The following FRMD5 variants were observed in gnomAD, a reference collection of about 807,000 sequenced individuals.
FRMD5 encodes the protein FERM domain-containing protein 5.
FRMD5 carries 20 observed loss-of-function variants against 69.0 expected under a neutral mutation model. The ratio of observed to expected loss-of-function variants is 0.29; its 90% CI spans 0.20 to 0.42. The LOEUF is 0.42. Among genes scored for constraint, FRMD5 ranks in the 10% least tolerant of loss-of-function variants. The pLI is 1.00. For missense variants in FRMD5, 595 were observed against 708.6 expected, an observed-to-expected ratio of 0.84 and a Z score of 1.82; for synonymous variants, 271 against 260.1, an observed-to-expected ratio of 1.04 and a Z score of -0.40.
intron 1 of FRMD5, among the ~76,000 whole-genome samples, chr15:44,012,603 T>C (rs1890767394): frequency 6.6e-6 from 1 of 152,108 alleles, no homozygotes; most frequent in Non-Finnish European, 1.5e-5. Flanking sequence ...TATTGAGAAG[T>C]GTTGTGGGTG....
rs146499733 is a variant in FRMD5, at chr15:43,994,850, T to C, written c.103-70541A>G. Among the ~76,000 whole-genome samples the C allele has an allele frequency of 1.8e-3, 272 of 152,398 alleles. 2 individuals carry two copies. The highest frequency in any genetic ancestry group is 6.3e-3 in the African/African-American group (263 of 41,602). On this transcript the variant is annotated intron_variant, in intron 1 of 13. Coordinates refer to ENST00000417257, the MANE Select transcript of FRMD5 (RefSeq NM_032892.5). ...GTACTTACTTTTACCAGTGAGTTTG[T>C]ATGTTTTAATGTTTACTAATTAGCA...
intron 1 of FRMD5, among the ~76,000 whole-genome samples, chr15:43,950,534 T>C: frequency 6.6e-6 from 1 of 152,196 alleles, no homozygotes; most frequent in East Asian, 1.9e-4. Context: ...CACCCATTCC[T>C]GTGGGCAGGG....
intron 8 of FRMD5, among the ~76,000 whole-genome samples, 185 bp downstream of exon 8, chr15:43,891,796 C>T (rs1187991132): frequency 2.0e-5 from 3 of 152,156 alleles, no homozygotes; most frequent in African/African-American, 4.8e-5. Context: ...CTCAGGGACA[C>T]CCCTTTAGAA....
chr15:43,900,597 T>C (rs923282890), intron 7 of FRMD5, among the ~76,000 whole-genome samples: 2 of 150,544 alleles, frequency 1.3e-5, no homozygotes, highest in African/African-American at 4.9e-5. Context: ...TGTCCCTATG[T>C]CACTGTGCTC....
At chr15:43,975,835 C>T (rs1358942714) in intron 1 of FRMD5, among the ~76,000 whole-genome samples, 1 of 151,912 alleles carries the variant, frequency 6.6e-6, no homozygotes, top group Non-Finnish European at 1.5e-5. Flanking sequence ...AAAAGAAGAA[C>T]AAATTTGGAG....
intron 7 of FRMD5, among the ~76,000 whole-genome samples, chr15:43,899,840 G>A (rs2089001427): frequency 6.6e-6 from 1 of 152,204 alleles, no homozygotes; most frequent in African/African-American, 2.4e-5. Context: ...TGGGGTGCAT[G>A]TGTATTTGGG....
chr15:43,999,211 G>A (rs1432553935), intron 1 of FRMD5, among the ~76,000 whole-genome samples: 1 of 152,066 alleles, frequency 6.6e-6, no homozygotes, highest in Non-Finnish European at 1.5e-5. Context: ...GGGATTACAG[G>A]TGTGTGCCAC....
chr15:44,082,345 G>T (rs542091593), intron 1 of FRMD5, among the ~76,000 whole-genome samples: 1 of 151,936 alleles, frequency 6.6e-6, no homozygotes, highest in Non-Finnish European at 1.5e-5. Flanking sequence ...TTTTCTGGTG[G>T]TGAGATACTC....
intron 1 of FRMD5, among the ~76,000 whole-genome samples, chr15:44,001,515 T>C (rs1890210351): frequency 6.6e-6 from 1 of 152,074 alleles, no homozygotes; most frequent in Non-Finnish European, 1.5e-5. Context: ...TATATTTTCT[T>C]CTAGGATTTT....
chr15:43,897,487 C>CAAAAAAA (rs34243475), intron 7 of FRMD5, among the ~76,000 whole-genome samples: 1 of 16,142 alleles, frequency 6.2e-5, no homozygotes, highest in African/African-American at 2.0e-4. Context: ...CACTCCATCT[C>CAAAAAAA]AAAAAAAAAA....
intron 4 of FRMD5, among the ~76,000 whole-genome samples, chr15:43,912,727 G>A (rs1295734335): frequency 4.0e-5 from 6 of 151,732 alleles, no homozygotes; most frequent in Admixed American, 3.9e-4. Flanking sequence ...GTTTGAAATG[G>A]CCCCTTTGGG....
chr15:43,939,965 T>G (rs1252822207), intron 1 of FRMD5, among the ~76,000 whole-genome samples: 1 of 152,092 alleles, frequency 6.6e-6, no homozygotes. Flanking sequence ...TCACCTTAGG[T>G]CAGGAGTTTG....
intron 1 of FRMD5, among the ~76,000 whole-genome samples, chr15:44,151,413 A>G (rs953151518): frequency 7.3e-5 from 11 of 150,948 alleles, no homozygotes; most frequent in Non-Finnish European, 1.5e-4. Flanking sequence ...AAAAAAAAAG[A>G]AAGAAAGAAA....
At chr15:44,154,221 G>A (rs879520533) in intron 1 of FRMD5, among the ~76,000 whole-genome samples, 2 of 152,124 alleles carry the variant, frequency 1.3e-5, no homozygotes, top group East Asian at 3.9e-4. Flanking sequence ...TATTCAGGAG[G>A]CTGAGGTGGG....
chr15:44,126,547 T>A (rs2077026822), intron 1 of FRMD5, among the ~76,000 whole-genome samples: 1 of 152,214 alleles, frequency 6.6e-6, no homozygotes. Flanking sequence ...GACATGATCC[T>A]GCCATAAACC....
At chr15:44,136,916 A>T (rs2077195830) in intron 1 of FRMD5, among the ~76,000 whole-genome samples, 1 of 152,212 alleles carries the variant, frequency 6.6e-6, no homozygotes, top group African/African-American at 2.4e-5. Flanking sequence ...CACCCTTCAC[A>T]CAACAGCGAT....
chr15:44,184,065 G>A (rs906062949), intron 1 of FRMD5, among the ~76,000 whole-genome samples: 2 of 151,212 alleles, frequency 1.3e-5, no homozygotes, highest in African/African-American at 4.9e-5. Flanking sequence ...AGGTATTTCT[G>A]CTTAAGGCTC....
At chr15:43,918,612 C>G (rs1015930056) in intron 4 of FRMD5, among the ~76,000 whole-genome samples, 6 of 152,164 alleles carry the variant, frequency 3.9e-5, no homozygotes, top group Non-Finnish European at 7.3e-5. Flanking sequence ...GGGGTTAGAG[C>G]TGACAGTCCT....
intron 1 of FRMD5, among the ~76,000 whole-genome samples, chr15:43,940,050 G>A (rs151030896): frequency 3.3e-5 from 5 of 152,290 alleles, no homozygotes; most frequent in Non-Finnish European, 7.4e-5. Context: ...GGTAGCGGGT[G>A]CCTGTAATCC....
Sources: gnomAD v4.1 joint callset for allele counts (sites outside exome capture counted in the v4.1 genomes callset) on GRCh38, gnomAD v4.1.1 for gene constraint, MANE v1.5 for transcripts, NCBI Gene and HGNC (gene_info 2026-07-23, HGNC 2026-07-21) for gene names.